The following SLC16A7 variants were observed in gnomAD, a reference collection of about 807,000 sequenced individuals.
SLC16A7 encodes the protein solute carrier family 16 member 7.
In SLC16A7, 33 loss-of-function variants were observed where a neutral mutation model predicts 34.9. The ratio of observed to expected loss-of-function variants is 0.94; its 90% CI spans 0.72 to 1.26. The LOEUF is 1.26. Ranked by LOEUF, SLC16A7 falls within the 50% of genes most tolerant of loss-of-function variation. The pLI is 0.00. For missense variants in SLC16A7, 573 were observed against 578.1 expected, an observed-to-expected ratio of 0.99 and a Z score of 0.09; for synonymous variants, 201 against 206.6, an observed-to-expected ratio of 0.97 and a Z score of 0.23.
At chr12:59,623,452 TTTATGTC>T (rs1405626393) in intron 1 of SLC16A7, among the ~76,000 whole-genome samples, 1 of 151,740 alleles carries the variant, frequency 6.6e-6, no homozygotes, top group Non-Finnish European at 1.5e-5. Context: ...ATTCTGGTCT[TTTATGTC>T]TTATGTTTTT....
intron 3 of SLC16A7, among the ~76,000 whole-genome samples, chr12:59,729,600 C>T (rs1320246370): frequency 6.6e-6 from 1 of 152,136 alleles, no homozygotes; most frequent in Admixed American, 6.5e-5. Flanking sequence ...AACCCTTTCC[C>T]TCCCCACCCC....
At position 59,712,991 on chromosome 12, in the gene SLC16A7, GTTTTCTTTTC is replaced by G. The variant is rs551341211; in HGVS notation, c.217+7988_217+7997del. ...GTTATTCTGAAAACTTTCTATGGAT[GTTTTCTTTTC>G]TTTTCTTTTCTTTTTTTTTCTTTTC... On this transcript the variant is annotated intron_variant, in intron 3 of 5. Coordinates refer to ENST00000547379, the MANE Select transcript of SLC16A7 (RefSeq NM_001270623.2). 1.5e-3 allele frequency among the ~76,000 whole-genome samples: 227 copies of G among 151,854 alleles called. 1 individual carries two copies. The highest frequency in any genetic ancestry group is 6.8e-3 in the Middle Eastern group (2 of 294).
rs527989544 is a variant in SLC16A7 at position 59,762,476 on chromosome 12, T to C, written c.218-8743T>C. Among the ~76,000 whole-genome samples, 276 of 152,248 alleles carry C rather than the reference T, an allele frequency of 1.8e-3. 1 individual carries two copies. Among genetic ancestry groups the C allele is most frequent in the Non-Finnish European group, 3.2e-3 (217 of 68,020 alleles). On this transcript the variant is annotated intron_variant, in intron 3 of 5. Coordinates refer to ENST00000547379, the MANE Select transcript of SLC16A7 (RefSeq NM_001270623.2). ...GTTGCTTGTGTATTATTTATTTATA[T>C]CTCTAAAATTATCCACTGACTGCAA...
chr12:59,597,771 C>T (rs1878491304), intron 1 of SLC16A7, among the ~76,000 whole-genome samples: 1 of 152,196 alleles, frequency 6.6e-6, no homozygotes, highest in South Asian at 2.1e-4. Context: ...GGAAAGATTA[C>T]AACCGTAAGA....
At chr12:59,675,656 T>C (rs781381891) in intron 2 of SLC16A7, among the ~76,000 whole-genome samples, 14 of 152,228 alleles carry the variant, frequency 9.2e-5, no homozygotes, top group Non-Finnish European at 1.9e-4. Context: ...TGGCCTATTT[T>C]GTAATCAACC....
chr12:59,768,356 GAGAACTAGAATT>G (rs1881889948), intron 3 of SLC16A7: 1 of 319,324 alleles, frequency 3.1e-6, no homozygotes, highest in Admixed American at 3.8e-5. Context: ...GAAATAGCAA[GAGAACTAGAATT>G]AGAAGTGGAG....
chr12:59,646,595 T>C (rs1868253711), intron 1 of SLC16A7, among the ~76,000 whole-genome samples: 1 of 152,024 alleles, frequency 6.6e-6, no homozygotes, highest in South Asian at 2.1e-4. Context: ...GAATGTGTGG[T>C]TGGAAGCTCC....
intron 4 of SLC16A7, among the ~76,000 whole-genome samples, chr12:59,772,563 G>A (rs1008310575): frequency 1.3e-5 from 2 of 152,060 alleles, no homozygotes; most frequent in African/African-American, 4.8e-5. Flanking sequence ...ATCTATGAGG[G>A]ATTTACTTTA....
intron 4 of SLC16A7, among the ~76,000 whole-genome samples, chr12:59,772,419 C>G (rs2137444941): frequency 6.6e-6 from 1 of 152,208 alleles, no homozygotes; most frequent in Middle Eastern, 3.4e-3. Context: ...CGGGATGCGC[C>G]TACAAGTAGG....
rs1413384519 is a variant in SLC16A7, at chr12:59,787,001, C to T, written c.*7322C>T. The T allele has an allele frequency of 6.6e-6, 1 of 151,994 alleles. No homozygotes were observed. Among genetic ancestry groups the T allele is most frequent in the Non-Finnish European group, 1.5e-5 (1 of 68,002 alleles). 9.4% of individuals were successfully genotyped at this position (151,994 alleles called of 1,614,324 possible). ...TTCCTGATTGCCACGGCAGATAATT[C>T]GTGGCAAATCAGAAATAATATTTAG... is the stretch of plus-strand genomic sequence containing the variant. On this transcript the variant is annotated 3_prime_UTR_variant, in exon 6 of 6. Coordinates refer to ENST00000547379, the MANE Select transcript of SLC16A7 (RefSeq NM_001270623.2).
chr12:59,662,249 C>T (rs1245544787), intron 2 of SLC16A7, among the ~76,000 whole-genome samples: 1 of 152,018 alleles, frequency 6.6e-6, no homozygotes, highest in Non-Finnish European at 1.5e-5. Flanking sequence ...ACATCATAAT[C>T]TCACAAGGGA....
At chr12:59,675,755 T>TA (rs568674759) in intron 2 of SLC16A7, among the ~76,000 whole-genome samples, 4 of 152,122 alleles carry the variant, frequency 2.6e-5, no homozygotes, top group South Asian at 2.1e-4. Flanking sequence ...GCTTCTGATA[T>TA]AAAAAAATTT....
chr12:59,678,008 T>C (rs938483460), intron 2 of SLC16A7, among the ~76,000 whole-genome samples: 4 of 152,156 alleles, frequency 2.6e-5, no homozygotes, highest in Non-Finnish European at 5.9e-5. Context: ...TCTGCTGGCC[T>C]GAATATCACA....
intron 3 of SLC16A7, among the ~76,000 whole-genome samples, chr12:59,759,062 A>T (rs1020820387): frequency 6.6e-6 from 1 of 152,008 alleles, no homozygotes; most frequent in African/African-American, 2.4e-5. Context: ...CTGGACATAT[A>T]TTATTAATCT....
At chr12:59,673,545 A>G (rs1870064428) in intron 2 of SLC16A7, among the ~76,000 whole-genome samples, 1 of 151,838 alleles carries the variant, frequency 6.6e-6, no homozygotes, top group African/African-American at 2.4e-5. Flanking sequence ...AATATTTCAC[A>G]TGAGCACTTA....
chr12:59,603,471 T>C (rs1195504859), intron 1 of SLC16A7, among the ~76,000 whole-genome samples: 4 of 152,178 alleles, frequency 2.6e-5, no homozygotes, highest in Non-Finnish European at 2.9e-5. Flanking sequence ...TTCTTTTATC[T>C]TGAAATGAAT....
At chr12:59,700,842 T>G (rs1872790027) in intron 2 of SLC16A7, among the ~76,000 whole-genome samples, 1 of 151,694 alleles carries the variant, frequency 6.6e-6, no homozygotes, top group Admixed American at 6.6e-5. Flanking sequence ...CTCTGGAGGA[T>G]TTCACATTCA....
intron 2 of SLC16A7, among the ~76,000 whole-genome samples, chr12:59,691,365 T>A (rs1054715503): frequency 1.3e-5 from 2 of 151,996 alleles, no homozygotes; most frequent in African/African-American, 2.4e-5. Flanking sequence ...ACAAAAAAAA[T>A]TACATTAAAA....
intron 3 of SLC16A7, among the ~76,000 whole-genome samples, chr12:59,770,308 A>G (rs1022094580): frequency 6.6e-6 from 1 of 152,118 alleles, no homozygotes; most frequent in East Asian, 1.9e-4. Flanking sequence ...CAACATTCAC[A>G]TCTCACACCT....
Sources: gnomAD v4.1 joint callset for allele counts (sites outside exome capture counted in the v4.1 genomes callset) on GRCh38, gnomAD v4.1.1 for gene constraint, MANE v1.5 for transcripts, NCBI Gene and HGNC (gene_info 2026-07-23, HGNC 2026-07-21) for gene names.